LNPEP: variants seen among roughly 807,000 people sequenced by gnomAD.
LNPEP encodes leucyl-cystinyl aminopeptidase.
LNPEP carries 64 observed loss-of-function variants against 120.6 expected under a neutral mutation model. That is an observed-to-expected ratio of 0.53 (90% CI 0.43 to 0.65). The LOEUF (loss-of-function observed/expected upper bound fraction) is 0.65, where lower values mean the gene tolerates loss of function less well. Among genes scored for constraint, LNPEP ranks in the 30% least tolerant of loss-of-function variants. LNPEP has a pLI of 0.00. For missense variants in LNPEP, 1,057 were observed against 1,200.0 expected (o/e 0.88, Z 1.76); for synonymous variants, 435 against 425.4 (o/e 1.02, Z -0.28).
At position 97,030,086 on chromosome 5, in the gene LNPEP, T is replaced by C. The variant is rs1001787470; in HGVS notation, c.*1553T>C. On this transcript the variant is annotated 3_prime_UTR_variant, in exon 18 of 18. Transcript: ENST00000231368. ...TTATTCGGCAGGTATCAAGTTAGAA[T>C]GTATGGAATTGTGAATAAAATTATA... 6.6e-6 allele frequency: 1 copy of C among 152,018 alleles called. No individual in the cohort carries two copies. The highest frequency in any genetic ancestry group is 1.5e-5 in the Non-Finnish European group (1 of 67,992). The allele number at this position is 152,018 out of a possible 1,614,324, so 9.4% of individuals were successfully genotyped here.
intron 1 of LNPEP, among the ~76,000 whole-genome samples, chr5:96,952,434 A>G (rs7713127): frequency 0.49 from 75,114 of 152,034 alleles, 18,720 homozygotes; most frequent in African/African-American, 0.56. Context: ...CCCATATCAC[A>G]TCTTGAGAAC....
chr5:96,943,060 G>A (rs1789098059), intron 1 of LNPEP: 2 of 266,392 alleles, frequency 7.5e-6, no homozygotes, highest in Non-Finnish European at 7.3e-6. Flanking sequence ...CTGAGACATG[G>A]TATTGTTTCC....
chr5:96,979,708 C>T lies in LNPEP; in HGVS notation c.590C>T (p.Ser197Leu). ...SMTFRGSVTI[S>L]VQALQVTWNI... ...ACATTCAGGGGTTCTGTGACAATTT[C>T]AGTTCAGGCTCTTCAGGTCACATGG... Residue 197 changes from serine (S) to leucine (L), a missense_variant, in exon 2 of 18, where the codon TCA becomes TTA. Physicochemically the swap from Ser to Leu is moderately radical, Grantham distance 145 (BLOSUM62 -2). Coordinates refer to ENST00000231368, the MANE Select transcript of LNPEP (RefSeq NM_005575.3). The T allele has an allele frequency of 6.2e-7, 1 of 1,614,044 alleles. No individual in the cohort carries two copies. The highest frequency in any genetic ancestry group is 8.5e-7 in the Non-Finnish European group (1 of 1,179,960).
chr5:97,021,918 C>CTTTTTTTTT (rs1561455270), intron 13 of LNPEP, among the ~76,000 whole-genome samples: 21 of 50,012 alleles, frequency 4.2e-4, no homozygotes, highest in Admixed American at 3.2e-3. Context: ...TGTTTTTTGT[C>CTTTTTTTTT]TTTTGTTTTT....
intron 1 of LNPEP, among the ~76,000 whole-genome samples, chr5:96,972,711 T>C (rs1375510972): frequency 6.6e-6 from 1 of 152,094 alleles, no homozygotes; most frequent in Non-Finnish European, 1.5e-5. Context: ...TGTATTGTTT[T>C]GTCTAGTTTA....
intron 6 of LNPEP, among the ~76,000 whole-genome samples, chr5:96,994,345 G>A (rs1227732392): frequency 6.6e-6 from 1 of 152,030 alleles, no homozygotes; most frequent in Non-Finnish European, 1.5e-5. Flanking sequence ...TTCCCCCTCA[G>A]TAATACACAG....
At chr5:96,990,370 T>C (rs1790362947) in intron 4 of LNPEP, among the ~76,000 whole-genome samples, 1 of 152,200 alleles carries the variant, frequency 6.6e-6, no homozygotes, top group Non-Finnish European at 1.5e-5. Context: ...GAAGTACGGT[T>C]GGCTACATAA....
chr5:96,951,596 G>T (rs946999360), intron 1 of LNPEP, among the ~76,000 whole-genome samples: 1 of 152,142 alleles, frequency 6.6e-6, no homozygotes, highest in Non-Finnish European at 1.5e-5. Flanking sequence ...GCAGGGTGTC[G>T]GGGGCGGGAT....
intron 13 of LNPEP, among the ~76,000 whole-genome samples, chr5:97,019,929 C>G (rs3822678): frequency 0.032 from 4,942 of 152,160 alleles, 158 homozygotes; most frequent in South Asian, 0.089. Context: ...AAGTGGGATC[C>G]CCTGCATTGC....
At position 96,936,262 on chromosome 5, in the gene LNPEP, C is replaced by A; in HGVS notation, c.19+88C>A. On this transcript the variant is annotated intron_variant, in intron 1 of 17. Coordinates refer to ENST00000231368, the MANE Select transcript of LNPEP (RefSeq NM_005575.3). ...CGTGACACGCGGGGTCGGGCTGCAG[C>A]CGTCTCCCCCAACACCGCGGGCTTC... The A allele has an allele frequency of 2.6e-6, 3 of 1,140,832 alleles. No homozygotes were observed. The Admixed American group carries it at 1.2e-4, about 44-fold the overall frequency. 70.7% of individuals were successfully genotyped at this position (1,140,832 alleles called of 1,614,324 possible). A position where few individuals can be genotyped will look rare whatever the true frequency, so the allele number is the denominator to read the frequency against.
intron 1 of LNPEP, chr5:96,936,884 G>C (rs1025379091): frequency 6.6e-6 from 1 of 152,256 alleles, no homozygotes; most frequent in African/African-American, 2.4e-5. Context: ...GACAGGAAGC[G>C]AGAGTCAACG....
chr5:96,938,898 G>A (rs1394636020), intron 1 of LNPEP, among the ~76,000 whole-genome samples: 1 of 151,468 alleles, frequency 6.6e-6, no homozygotes, highest in East Asian at 1.9e-4. Flanking sequence ...TGCTGGACCA[G>A]TACTTAAGAT....
chr5:96,976,123 TAAG>T (rs1250766119), intron 1 of LNPEP, among the ~76,000 whole-genome samples: 2 of 152,132 alleles, frequency 1.3e-5, no homozygotes, highest in Admixed American at 1.3e-4. Context: ...TGTACTGACT[TAAG>T]AATCAAATCA....
Position 96,936,188 on chromosome 5 carries a change from C to A in LNPEP, c.19+14C>A. 1 of 1,441,250 alleles carries A rather than the reference C, an allele frequency of 6.9e-7. No homozygotes were observed. Among genetic ancestry groups the A allele is most frequent in the East Asian group, 2.9e-5 (1 of 34,572 alleles). 89.3% of individuals were successfully genotyped at this position (1,441,250 alleles called of 1,614,324 possible). A position where few individuals can be genotyped will look rare whatever the true frequency, so the allele number is the denominator to read the frequency against. ...CCTTCACCAATGGTGAGTGGGCTGC[C>A]GAGGCGCCGGGACCCGGGCTCTCCG... On this transcript the variant is annotated intron_variant, in intron 1 of 17. Coordinates refer to ENST00000231368, the MANE Select transcript of LNPEP (RefSeq NM_005575.3).
chr5:96,951,072 T>C (rs925197875), intron 1 of LNPEP, among the ~76,000 whole-genome samples: 4 of 152,210 alleles, frequency 2.6e-5, no homozygotes, highest in Non-Finnish European at 5.9e-5. Flanking sequence ...ACCTTCTTGC[T>C]GTGTCCTCAC....
chr5:97,005,485 T>C (rs1266287304), intron 9 of LNPEP, among the ~76,000 whole-genome samples: 1 of 152,124 alleles, frequency 6.6e-6, no homozygotes. Flanking sequence ...TAAAGTAGTT[T>C]ACCACTGTTT....
intron 6 of LNPEP, among the ~76,000 whole-genome samples, chr5:96,995,372 A>G (rs1427509922): frequency 6.6e-6 from 1 of 152,198 alleles, no homozygotes; most frequent in African/African-American, 2.4e-5. Flanking sequence ...ACCAAATTAC[A>G]TATTTTACAA....
rs1320637706 is a variant in LNPEP at position 97,030,237 on chromosome 5, G to A, written c.*1704G>A. ...TTTTCTAAAATTTATCTGTTTTAGA[G>A]TAGAAAATATTATATCCTGAGAATC... On this transcript the variant is annotated 3_prime_UTR_variant, in exon 18 of 18. Transcript: ENST00000231368. 6.6e-6 allele frequency: 1 copy of A among 152,062 alleles called. No individual in the cohort carries two copies. The highest frequency in any genetic ancestry group is 1.5e-5 in the Non-Finnish European group (1 of 68,004). 9.4% of individuals were successfully genotyped at this position (152,062 alleles called of 1,614,324 possible).
chr5:96,954,871 C>T (rs1789425622), intron 1 of LNPEP, among the ~76,000 whole-genome samples: 1 of 143,192 alleles, frequency 7.0e-6, no homozygotes, highest in Non-Finnish European at 1.5e-5. Flanking sequence ...CAAGCTCCGC[C>T]TCCTGGGTTC....
Sources: allele counts gnomAD v4.1 joint callset (sites outside exome capture counted in the v4.1 genomes callset), GRCh38; gene constraint gnomAD v4.1.1; transcripts MANE v1.5; gene names NCBI Gene and HGNC (gene_info 2026-07-23, HGNC 2026-07-21).